Variants in SLC8A1 observed in about 807,000 individuals in gnomAD.
The protein encoded by SLC8A1 is sodium/calcium exchanger 1.
Under a neutral mutation model 68.3 loss-of-function variants are expected in SLC8A1, and 18 were observed. That is an observed-to-expected ratio of 0.26 (90% CI 0.18 to 0.39). SLC8A1 has a LOEUF of 0.39. Ranked by LOEUF, SLC8A1 falls within the 10% of genes least tolerant of loss-of-function variation. The probability of loss-of-function intolerance (pLI) is 1.00; values close to 1 mark genes in which losing one functional copy is unlikely to be tolerated. For synonymous variants in SLC8A1, 475 were observed against 415.5 expected (o/e 1.14, Z -1.74); for missense variants, 985 against 1,156.7 (o/e 0.85, Z 2.15).
intron 2 of SLC8A1, among the ~76,000 whole-genome samples, chr2:40,369,613 A>G (rs1208250454): frequency 2.0e-5 from 3 of 152,120 alleles, no homozygotes; most frequent in Non-Finnish European, 2.9e-5. Flanking sequence ...AGCCAGCTCT[A>G]ATGTCCTGTC....
chr2:40,383,254 G>T (rs1401472501), intron 2 of SLC8A1, among the ~76,000 whole-genome samples: 1 of 152,040 alleles, frequency 6.6e-6, no homozygotes, highest in Non-Finnish European at 1.5e-5. Flanking sequence ...GCTATTGTTT[G>T]TATATCTCAC....
At chr2:40,442,159 C>G (rs377637930) in intron 1 of SLC8A1, among the ~76,000 whole-genome samples, 1 of 150,352 alleles carries the variant, frequency 6.7e-6, no homozygotes, top group Non-Finnish European at 1.5e-5. Flanking sequence ...TGTAACTAAC[C>G]TGCACATTGT....
At chr2:40,388,413 C>G (rs753983979) in intron 2 of SLC8A1, among the ~76,000 whole-genome samples, 2 of 152,056 alleles carry the variant, frequency 1.3e-5, no homozygotes, top group Non-Finnish European at 2.9e-5. Context: ...TACAGCATTG[C>G]AAAAAGTGAC....
In SLC8A1 at chr2:40,143,160, A is replaced by G. The variant is rs374843189; in HGVS notation, c.2162-3484T>C. 1.6e-3 allele frequency among the ~76,000 whole-genome samples: 242 copies of G among 152,322 alleles called. 9 individuals carry two copies. The South Asian group carries it at 0.037, about 23-fold the overall frequency. The stretch of plus-strand genomic sequence containing the variant: ...ATAAATTTTAATCTCCAACTCAGAC[A>G]TCACTTAAATATTAAAAATGACCAC... On this transcript the variant is annotated intron_variant, in intron 6 of 7. Coordinates refer to ENST00000406785, the Ensembl canonical transcript of SLC8A1.
chr2:40,441,444 T>C (rs765713797), intron 1 of SLC8A1, among the ~76,000 whole-genome samples: 1 of 149,510 alleles, frequency 6.7e-6, no homozygotes, highest in Non-Finnish European at 1.5e-5. Flanking sequence ...AAAAAGAGCC[T>C]GTACAGCCAA....
chr2:40,299,796 C>T (rs1241516147), intron 2 of SLC8A1, among the ~76,000 whole-genome samples: 1 of 152,128 alleles, frequency 6.6e-6, no homozygotes, highest in African/African-American at 2.4e-5. Context: ...TTTTTCTATA[C>T]TTAGGACAGA....
intron 2 of SLC8A1, among the ~76,000 whole-genome samples, chr2:40,223,951 CAGG>C (rs1225464605): frequency 2.0e-5 from 3 of 152,048 alleles, no homozygotes; most frequent in South Asian, 2.1e-4. Flanking sequence ...AGAGACAAAG[CAGG>C]AGGAGCCTCC....
chr2:40,420,254 G>A (rs1301079548), intron 2 of SLC8A1, among the ~76,000 whole-genome samples: 1 of 151,952 alleles, frequency 6.6e-6, no homozygotes, highest in East Asian at 1.9e-4. Context: ...ACCACCTCCA[G>A]GGTCACAGAA....
intron 2 of SLC8A1, among the ~76,000 whole-genome samples, chr2:40,277,283 A>G (rs7597193): frequency 0.45 from 68,288 of 151,704 alleles, 17,184 homozygotes; most frequent in East Asian, 0.72. Flanking sequence ...GCTCACGCCT[A>G]TAATCCCAGC....
intron 2 of SLC8A1, among the ~76,000 whole-genome samples, chr2:40,311,676 A>G (rs2073702841): frequency 6.6e-6 from 1 of 152,072 alleles, no homozygotes; most frequent in African/African-American, 2.4e-5. Flanking sequence ...TTATATAAGG[A>G]TTTAGTTTCT....
intron 2 of SLC8A1, among the ~76,000 whole-genome samples, chr2:40,271,925 G>T (rs779311713): frequency 6.6e-6 from 1 of 152,096 alleles, no homozygotes; most frequent in Non-Finnish European, 1.5e-5. Flanking sequence ...GGAATGCAGT[G>T]GAACCGTCAT....
At chr2:40,298,122 T>C (rs1296855809) in intron 2 of SLC8A1, among the ~76,000 whole-genome samples, 2 of 152,112 alleles carry the variant, frequency 1.3e-5, no homozygotes, top group South Asian at 2.1e-4. Context: ...ACTCAGATGA[T>C]TCACCCACCT....
exon 8 of SLC8A1, chr2:40,102,035 T>C (rs1052898254): frequency 2.0e-5 from 3 of 152,174 alleles, no homozygotes; most frequent in Admixed American, 1.3e-4. Context: ...AAGGTCAATA[T>C]TGGATTTCCC....
At position 40,257,016 on chromosome 2, in the gene SLC8A1, GTAAA is replaced by G. The variant is rs70957166; in HGVS notation, c.1809-79165_1809-79162del. On this transcript the variant is annotated intron_variant, in intron 2 of 7. Transcript: ENST00000406785. ...TTATAAGATTGAGCCTATCAAGTAAGTAAATAAATAAATAAATAAATAAATAAAT... is the reference window on the plus strand; with the variant it reads ...TTATAAGATTGAGCCTATCAAGTAAGTAAATAAATAAATAAATAAATAAAT... Among the ~76,000 whole-genome samples, 235 of 151,296 alleles carry G rather than the reference GTAAA, an allele frequency of 1.6e-3. 1 individual carries two copies. The highest frequency in any genetic ancestry group is 4.6e-3 in the African/African-American group (190 of 41,140).
chr2:40,418,198 C>T (rs1193843712), intron 2 of SLC8A1, among the ~76,000 whole-genome samples: 1 of 152,086 alleles, frequency 6.6e-6, no homozygotes, highest in African/African-American at 2.4e-5. Flanking sequence ...AATATCTGGA[C>T]TTAATATTCT....
At position 40,131,299 on chromosome 2, in the gene SLC8A1, T is replaced by G. The variant is rs181380943; in HGVS notation, c.2437+8102A>C. On this transcript the variant is annotated intron_variant, in intron 7 of 7. Transcript: ENST00000406785. Reference sequence around the variant, plus strand: ...ATAACCCCTCAGCACGTAGTCATTGTGCTAAGACTTTGCATAACTTCTCTG... The same window carrying G: ...ATAACCCCTCAGCACGTAGTCATTGGGCTAAGACTTTGCATAACTTCTCTG... Among the ~76,000 whole-genome samples, 34 of 152,382 alleles carry G rather than the reference T, an allele frequency of 2.2e-4. No individual in the cohort carries two copies. The East Asian group carries it at 6.6e-3, about 29-fold the overall frequency.
chr2:40,184,123 A>G (rs1041926618), intron 2 of SLC8A1, among the ~76,000 whole-genome samples: 1 of 152,140 alleles, frequency 6.6e-6, no homozygotes, highest in African/African-American at 2.4e-5. Flanking sequence ...CTGCAGTGAG[A>G]TGTGATCATG....
intron 3 of SLC8A1, 46 bp from the exon 5 acceptor site, chr2:40,174,888 A>G (rs1307544879): frequency 3.8e-6 from 6 of 1,572,442 alleles, no homozygotes; most frequent in South Asian, 3.3e-5. Context: ...TTGACACTCT[A>G]CATAACAAAT....
intron 1 of SLC8A1, among the ~76,000 whole-genome samples, chr2:40,478,648 G>A (rs977265895): frequency 1.3e-5 from 2 of 151,818 alleles, no homozygotes; most frequent in African/African-American, 4.8e-5. Context: ...AATATCTGAT[G>A]AGTTCCAAAA....
Sources: gnomAD v4.1 joint callset for allele counts (sites outside exome capture counted in the v4.1 genomes callset) on GRCh38, gnomAD v4.1.1 for gene constraint, MANE v1.5 for transcripts, NCBI Gene and HGNC (gene_info 2026-07-23, HGNC 2026-07-21) for gene names.